The following TDRD3 variants were observed in gnomAD, a reference collection of about 807,000 sequenced individuals.
The protein encoded by TDRD3 is tudor domain containing 3, also known as tudor domain-containing protein 3.
TDRD3 carries 45 observed loss-of-function variants against 86.7 expected under a neutral mutation model. That is an observed-to-expected ratio of 0.52 (90% CI 0.41 to 0.67). TDRD3 has a LOEUF of 0.67. Among genes scored for constraint, TDRD3 ranks in the 30% least tolerant of loss-of-function variants. The pLI, the probability that TDRD3 is intolerant of heterozygous loss-of-function variation, is 0.00. For synonymous variants in TDRD3, 298 were observed against 301.7 expected (o/e 0.99, Z 0.13); for missense variants, 814 against 889.0 (o/e 0.92, Z 1.07).
chr13:60,454,449 A>T (rs1171878712), intron 3 of TDRD3, among the ~76,000 whole-genome samples: 2 of 151,764 alleles, frequency 1.3e-5, no homozygotes, highest in East Asian at 3.9e-4. Context: ...AAGTCTCATG[A>T]TAGTTTGTTA....
At chr13:60,513,280 C>G (rs538946538) in intron 10 of TDRD3, among the ~76,000 whole-genome samples, 2 of 152,160 alleles carry the variant, frequency 1.3e-5, no homozygotes, top group African/African-American at 4.8e-5. Context: ...GACCCTGGGC[C>G]CAGCCCATGA....
intron 12 of TDRD3, among the ~76,000 whole-genome samples, chr13:60,542,609 C>A (rs962546456): frequency 6.6e-6 from 1 of 152,156 alleles, no homozygotes; most frequent in Non-Finnish European, 1.5e-5. Flanking sequence ...TGATGGTGAA[C>A]CTTGATGGTG....
At chr13:60,494,232 G>T (rs1956664185) in intron 7 of TDRD3, among the ~76,000 whole-genome samples, 2 of 151,934 alleles carry the variant, frequency 1.3e-5, no homozygotes, top group African/African-American at 4.8e-5. Flanking sequence ...TATTTTTATT[G>T]CCTGGCCTGG....
At chr13:60,552,529 G>A (rs184790264) in intron 12 of TDRD3, among the ~76,000 whole-genome samples, 23 of 152,324 alleles carry the variant, frequency 1.5e-4, no homozygotes, top group Non-Finnish European at 3.1e-4. Context: ...GCAAGCTATA[G>A]GTGGATCTGC....
intron 7 of TDRD3, among the ~76,000 whole-genome samples, chr13:60,486,672 A>T (rs1038592992): frequency 7.2e-5 from 11 of 152,214 alleles, no homozygotes; most frequent in African/African-American, 2.2e-4. Context: ...ATTGTTAATT[A>T]TAATCACCCT....
chr13:60,507,652 C>CA (rs1235583535), intron 8 of TDRD3, among the ~76,000 whole-genome samples: 5 of 152,006 alleles, frequency 3.3e-5, no homozygotes, highest in African/African-American at 4.8e-5. Flanking sequence ...AGAACAAAGA[C>CA]AAAAAATACC....
intron 9 of TDRD3, among the ~76,000 whole-genome samples, chr13:60,510,327 T>C (rs1372868287): frequency 6.6e-6 from 1 of 152,162 alleles, no homozygotes; most frequent in East Asian, 1.9e-4. Context: ...TCTTATGTGG[T>C]CCCAGTCCTA....
intron 12 of TDRD3, among the ~76,000 whole-genome samples, chr13:60,563,948 T>TATATATATCTA: frequency 6.6e-6 from 1 of 152,252 alleles, no homozygotes; most frequent in East Asian, 1.9e-4. Flanking sequence ...ACATTATAGA[T>TATATATATCTA]GAAGTTGTGT....
At chr13:60,532,911 C>G (rs1957617531) in intron 11 of TDRD3, among the ~76,000 whole-genome samples, 1 of 152,088 alleles carries the variant, frequency 6.6e-6, no homozygotes, top group Non-Finnish European at 1.5e-5. Context: ...TAGATTTTAG[C>G]ATTTTTATTG....
chr13:60,557,204 C>T (rs1231099611), intron 12 of TDRD3, among the ~76,000 whole-genome samples: 1 of 41,290 alleles, frequency 2.4e-5, no homozygotes, highest in Non-Finnish European at 4.5e-5. Flanking sequence ...GAAACTCTGT[C>T]TCAAAAAAAA....
chr13:60,534,703 A>T lies in TDRD3; in HGVS notation c.1993-405A>T, dbSNP rs573546761. On this transcript the variant is annotated intron_variant, in intron 11 of 13. Coordinates refer to ENST00000377881, the MANE Select transcript of TDRD3 (RefSeq NM_001146070.2). The stretch of plus-strand genomic sequence containing the variant: ...TACTGTGGGAGGCCAAGGCAGGCAG[A>T]TCACTTGAGCTCAGGAGTTTGAGAC... Among the ~76,000 whole-genome samples the T allele has an allele frequency of 5.3e-5, 8 of 152,128 alleles. No homozygotes were observed. The South Asian group carries it at 1.7e-3, about 32-fold the overall frequency.
chr13:60,472,149 T>C (rs1356656741), intron 5 of TDRD3, among the ~76,000 whole-genome samples: 2 of 152,214 alleles, frequency 1.3e-5, no homozygotes, highest in Non-Finnish European at 2.9e-5. Context: ...CCCTGCTTCA[T>C]TCTGTTAATG....
intron 1 of TDRD3, among the ~76,000 whole-genome samples, chr13:60,438,796 C>T (rs780092778): frequency 9.9e-5 from 15 of 152,094 alleles, no homozygotes; most frequent in Non-Finnish European, 2.1e-4. Context: ...CTTAGACTAG[C>T]AGTCTTGGAT....
intron 8 of TDRD3, among the ~76,000 whole-genome samples, chr13:60,508,015 C>T (rs1350845442): frequency 2.0e-5 from 3 of 152,110 alleles, no homozygotes; most frequent in Non-Finnish European, 4.4e-5. Context: ...AGTGAACTGC[C>T]ATTCACAATT....
chr13:60,519,732 G>A (rs2137717422), intron 10 of TDRD3, among the ~76,000 whole-genome samples: 1 of 152,250 alleles, frequency 6.6e-6, no homozygotes, highest in East Asian at 1.9e-4. Context: ...TCTACCCTGT[G>A]CTAGTTGTGT....
At chr13:60,504,739 T>C (rs1956899199) in intron 8 of TDRD3, among the ~76,000 whole-genome samples, 1 of 152,136 alleles carries the variant, frequency 6.6e-6, no homozygotes, top group Admixed American at 6.5e-5. Flanking sequence ...CTGAGGTACC[T>C]GGCTCATCTC....
rs116012969 is a variant in TDRD3 at position 60,453,030 on chromosome 13, T to C, written c.193-7350T>C. On this transcript the variant is annotated intron_variant, in intron 3 of 13. Transcript: ENST00000377881. ...CTACCTGATTTGAACTCACTGCTTT[T>C]TTTCCTCAACTTCTTAGTTCAACTC... 4.0e-3 allele frequency among the ~76,000 whole-genome samples: 612 copies of C among 152,260 alleles called. 3 individuals carry two copies. The highest frequency in any genetic ancestry group is 0.014 in the African/African-American group (587 of 41,562).
chr13:60,500,283 C>G (rs1447701923), intron 8 of TDRD3, among the ~76,000 whole-genome samples: 1 of 152,132 alleles, frequency 6.6e-6, no homozygotes, highest in Non-Finnish European at 1.5e-5. Flanking sequence ...ATTCCATTAT[C>G]AAATGGAAGT....
intron 12 of TDRD3, among the ~76,000 whole-genome samples, chr13:60,562,623 A>G (rs78969788): frequency 0.052 from 7,852 of 152,212 alleles, 232 homozygotes; most frequent in Non-Finnish European, 0.062. Context: ...GGAGATATGT[A>G]CTCATTAACA....
Sources: allele counts gnomAD v4.1 joint callset (sites outside exome capture counted in the v4.1 genomes callset), GRCh38; gene constraint gnomAD v4.1.1; transcripts MANE v1.5; gene names NCBI Gene and HGNC (gene_info 2026-07-23, HGNC 2026-07-21).